AFAP1: variants seen among roughly 807,000 people sequenced by gnomAD.
The protein encoded by AFAP1 is actin filament-associated protein 1.
Under a neutral mutation model 93.9 loss-of-function variants are expected in AFAP1, and 75 were observed. That is an observed-to-expected ratio of 0.80 (90% confidence interval 0.66 to 0.97). The LOEUF (loss-of-function observed/expected upper bound fraction) is 0.97. Ranked by LOEUF, AFAP1 falls within the 50% of genes least tolerant of loss-of-function variation. The pLI is 0.00. For synonymous variants in AFAP1, 517 were observed against 430.7 expected, an observed-to-expected ratio of 1.20 and a Z score of -2.48; for missense variants, 1,201 against 1,050.8, an observed-to-expected ratio of 1.14 and a Z score of -1.98.
At chr4:7,856,682 C>G (rs1193026889) in intron 3 of AFAP1, among the ~76,000 whole-genome samples, 1 of 152,196 alleles carries the variant, frequency 6.6e-6, no homozygotes, top group Non-Finnish European at 1.5e-5. Context: ...GTGCTCAAGT[C>G]CCCTCTTTTC....
intron 1 of AFAP1, among the ~76,000 whole-genome samples, chr4:7,938,076 G>T (rs1721491670): frequency 2.0e-5 from 3 of 152,278 alleles, no homozygotes; most frequent in South Asian, 4.1e-4. Flanking sequence ...AGGACTTCAG[G>T]AGAACAAGCA....
chr4:7,873,342 C>CTTTTTTT lies in AFAP1; in HGVS notation c.-2-1269_-2-1263dup, dbSNP rs1158765422. Among the ~76,000 whole-genome samples the CTTTTTTT allele has an allele frequency of 1.8e-4, 9 of 51,002 alleles. 1 individual carries two copies. The highest frequency in any genetic ancestry group is 7.6e-4 in the East Asian group (1 of 1,318). The allele number at this position is 51,002 out of a possible 152,430, so 33.5% of individuals were successfully genotyped here. A position where few individuals can be genotyped will look rare whatever the true frequency, so the allele number is the denominator to read the frequency against. The stretch of plus-strand genomic sequence containing the variant: ...TTAAATCTAACCTTTGAAGACACAC[C>CTTTTTTT]TTTTTTTTTTTTTTTTTTTTTTTTT... On this transcript the variant is annotated intron_variant, in intron 1 of 17. Transcript: ENST00000420658.
Position 7,809,802 on chromosome 4 carries a change from T to C in AFAP1, c.905-39A>G. The C allele has an allele frequency of 2.5e-6, 4 of 1,579,882 alleles. No homozygotes were observed. The South Asian group carries it at 4.7e-5, about 19-fold the overall frequency. On this transcript the variant is annotated intron_variant, in intron 8 of 17. Coordinates refer to ENST00000420658, the MANE Select transcript of AFAP1 (RefSeq NM_001134647.2). ...CAACAGCAAAAAAGCATGTTTTAAT[T>C]GTAGATATTAATTGAAAAAAAAAAC... is the stretch of plus-strand genomic sequence containing the variant.
chr4:7,906,132 C>T (rs1560230060), intron 1 of AFAP1, among the ~76,000 whole-genome samples: 1 of 152,162 alleles, frequency 6.6e-6, no homozygotes, highest in South Asian at 2.1e-4. Context: ...GCAGAGTTAC[C>T]TGAGCAAAGC....
At chr4:7,797,298 G>A (rs916579118) in intron 10 of AFAP1, among the ~76,000 whole-genome samples, 2 of 152,120 alleles carry the variant, frequency 1.3e-5, no homozygotes, top group Non-Finnish European at 2.9e-5. Flanking sequence ...AGTAATAATA[G>A]GATAGTTACA....
At position 7,760,752 on chromosome 4, in the gene AFAP1, T is replaced by C. The variant is rs1713661152; in HGVS notation, c.*3013A>G. On this transcript the variant is annotated 3_prime_UTR_variant, in exon 18 of 18. Transcript: ENST00000420658. ...GAGCCAGGAGCAGAGCCCTGAAGAG[T>C]GACACTGTGGCTCAAGGTTAGAATG... 1 of 152,198 alleles carries C rather than the reference T, an allele frequency of 6.6e-6. No homozygotes were observed. Among genetic ancestry groups the C allele is most frequent in the African/African-American group, 2.4e-5 (1 of 41,432 alleles). 9.4% of individuals were successfully genotyped at this position (152,198 alleles called of 1,614,324 possible). A position where few individuals can be genotyped will look rare whatever the true frequency, so the allele number is the denominator to read the frequency against.
chr4:7,788,699 T>A (rs1422551344), intron 11 of AFAP1: 1 of 152,182 alleles, frequency 6.6e-6, no homozygotes, highest in South Asian at 2.1e-4. Flanking sequence ...AAATGCCTCA[T>A]TGGAAGGCTT....
At chr4:7,855,375 C>G (rs1024466493) in intron 4 of AFAP1, 91 bp downstream of exon 4, 3 of 998,450 alleles carry the variant, frequency 3.0e-6, no homozygotes, top group Non-Finnish European at 3.0e-6. Context: ...TTATAATACC[C>G]TGTTGCCCTT....
chr4:7,779,050 CT>C, intron 13 of AFAP1, 174 bp from the exon 14 acceptor site: 1 of 591,370 alleles, frequency 1.7e-6, no homozygotes, highest in East Asian at 2.9e-5. Context: ...CACTGGGCTG[CT>C]GGGATTCTGG....
chr4:7,806,366 C>A (rs991940583), intron 9 of AFAP1, among the ~76,000 whole-genome samples: 22 of 152,222 alleles, frequency 1.4e-4, no homozygotes, highest in African/African-American at 4.8e-4. Context: ...CCCCTGCCCC[C>A]ACAAACAAGG....
chr4:7,772,735 G>A (rs183412558), intron 16 of AFAP1, 85 bp downstream of exon 16: 72 of 1,345,394 alleles, frequency 5.4e-5, no homozygotes, highest in Non-Finnish European at 6.7e-5. Context: ...ACGCCCCAGA[G>A]CCACTCCACA....
intron 4 of AFAP1, among the ~76,000 whole-genome samples, chr4:7,845,120 C>T (rs1316147554): frequency 6.6e-6 from 1 of 152,174 alleles, no homozygotes; most frequent in Non-Finnish European, 1.5e-5. Context: ...GAATTTTCAA[C>T]AATGAAAAGT....
At chr4:7,843,483 A>G (rs967223178) in intron 4 of AFAP1, 133 bp from the exon 5 acceptor site, 1 of 843,544 alleles carries the variant, frequency 1.2e-6, no homozygotes, top group Non-Finnish European at 1.8e-6. Flanking sequence ...TCCTTAAGGG[A>G]AAAAACAAAA....
At chr4:7,805,034 C>T (rs1719382784) in intron 9 of AFAP1, among the ~76,000 whole-genome samples, 1 of 152,182 alleles carries the variant, frequency 6.6e-6, no homozygotes, top group Non-Finnish European at 1.5e-5. Flanking sequence ...GGCTCCTGGA[C>T]TAAGAATGCC....
intron 6 of AFAP1, among the ~76,000 whole-genome samples, chr4:7,823,067 T>A (rs969776585): frequency 9.9e-5 from 15 of 151,866 alleles, no homozygotes; most frequent in African/African-American, 1.5e-4. Flanking sequence ...TCAGCTGAGG[T>A]CTCCCATCTT....
At chr4:7,908,045 T>C (rs59521811) in intron 1 of AFAP1, among the ~76,000 whole-genome samples, 57,072 of 151,744 alleles carry the variant, frequency 0.38, 11,011 homozygotes, top group African/African-American at 0.45. Flanking sequence ...AACCCCGTCT[T>C]TACTAAAAAT....
At chr4:7,841,214 T>A (rs1463515354) in intron 5 of AFAP1, among the ~76,000 whole-genome samples, 1 of 152,202 alleles carries the variant, frequency 6.6e-6, no homozygotes, top group Non-Finnish European at 1.5e-5. Flanking sequence ...ACGCCCAGTT[T>A]GAGTGGCCTC....
chr4:7,863,768 A>G (rs931190923), intron 3 of AFAP1, among the ~76,000 whole-genome samples: 4 of 152,346 alleles, frequency 2.6e-5, no homozygotes, highest in African/African-American at 7.2e-5. Context: ...AGTAAAAGAC[A>G]ACCTTATTTG....
chr4:7,898,761 C>G (rs993166037), intron 1 of AFAP1, among the ~76,000 whole-genome samples: 2 of 150,272 alleles, frequency 1.3e-5, no homozygotes, highest in African/African-American at 4.9e-5. Flanking sequence ...TTCACGAACA[C>G]TAAAAGAACC....
Sources: gnomAD v4.1 joint callset for allele counts (sites outside exome capture counted in the v4.1 genomes callset) on GRCh38, gnomAD v4.1.1 for gene constraint, MANE v1.5 for transcripts, NCBI Gene and HGNC (gene_info 2026-07-23, HGNC 2026-07-21) for gene names.